DPH6: variants seen among roughly 807,000 people sequenced by gnomAD.
The protein encoded by DPH6 is diphthine--ammonia ligase.
DPH6 carries 33 observed loss-of-function variants against 38.2 expected under a neutral mutation model. That is an observed-to-expected ratio of 0.86 (90% CI 0.65 to 1.15). The LOEUF is 1.15. Among genes scored for constraint, DPH6 ranks in the 50% most tolerant of loss-of-function variants. The pLI is 0.00. For synonymous variants in DPH6, 108 were observed against 103.0 expected (o/e 1.05, Z -0.30); for missense variants, 325 against 320.0 (o/e 1.02, Z -0.12).
intron 3 of DPH6, among the ~76,000 whole-genome samples, chr15:35,479,369 TG>T (rs1284457460): frequency 6.6e-6 from 1 of 152,100 alleles, no homozygotes; most frequent in Non-Finnish European, 1.5e-5. Flanking sequence ...AAAAGTGTAT[TG>T]TAGACCCTCT....
downstream of DPH6, among the ~76,000 whole-genome samples, chr15:35,214,288 G>A (rs562449004): frequency 6.6e-6 from 1 of 152,286 alleles, no homozygotes; most frequent in Non-Finnish European, 1.5e-5. Flanking sequence ...TTTACTAAGA[G>A]CATTCACAAT....
At chr15:35,482,232 T>C (rs2054335864) in intron 3 of DPH6, among the ~76,000 whole-genome samples, 1 of 152,176 alleles carries the variant, frequency 6.6e-6, no homozygotes, top group Admixed American at 6.5e-5. Flanking sequence ...GCTGCAGTAC[T>C]AGCTGGGTGA....
At chr15:35,454,929 A>G in intron 3 of DPH6, 109 bp from the exon 4 acceptor site, 1 of 710,830 alleles carries the variant, frequency 1.4e-6, no homozygotes, top group South Asian at 2.3e-5. Context: ...AACTACCTCA[A>G]ACCAGAGTAA....
intron 1 of DPH6, among the ~76,000 whole-genome samples, chr15:35,543,770 C>T (rs543851830): frequency 3.9e-5 from 6 of 152,162 alleles, no homozygotes; most frequent in Non-Finnish European, 7.4e-5. Flanking sequence ...TCCATTCTTC[C>T]TCTCTTCAGG....
At chr15:35,457,367 A>T (rs1452205540) in intron 3 of DPH6, among the ~76,000 whole-genome samples, 1 of 151,288 alleles carries the variant, frequency 6.6e-6, no homozygotes, top group Non-Finnish European at 1.5e-5. Context: ...TTGTTCAATA[A>T]TTTTTTTTTG....
At chr15:35,424,869 T>C (rs1240643922) in intron 5 of DPH6, among the ~76,000 whole-genome samples, 2 of 151,614 alleles carry the variant, frequency 1.3e-5, no homozygotes. Flanking sequence ...ATCAAATTAA[T>C]AGAAAAAGCT....
the DPH6 span, among the ~76,000 whole-genome samples, chr15:35,158,716 C>G: frequency 6.6e-6 from 1 of 152,002 alleles, no homozygotes; most frequent in Non-Finnish European, 1.5e-5. Flanking sequence ...AATTGAACGC[C>G]TACATACCAG....
intron 3 of DPH6, among the ~76,000 whole-genome samples, chr15:35,512,123 A>C (rs1030337330): frequency 2.0e-5 from 3 of 152,196 alleles, no homozygotes; most frequent in Non-Finnish European, 4.4e-5. Context: ...AACCTGCAGT[A>C]ATAATTTTCA....
chr15:35,450,444 C>A (rs1303614616), intron 5 of DPH6, among the ~76,000 whole-genome samples: 12 of 147,562 alleles, frequency 8.1e-5, no homozygotes, highest in African/African-American at 3.0e-4. Context: ...AGTTTTAGAA[C>A]CTGTTATATG....
At chr15:35,515,396 C>T (rs1041073954) in intron 3 of DPH6, among the ~76,000 whole-genome samples, 1 of 151,890 alleles carries the variant, frequency 6.6e-6, no homozygotes, top group Non-Finnish European at 1.5e-5. Context: ...GGTTCGTGAC[C>T]AGCCTGGGTA....
chr15:35,162,193 C>T, the DPH6 span, among the ~76,000 whole-genome samples: 1 of 151,932 alleles, frequency 6.6e-6, no homozygotes, highest in African/African-American at 2.4e-5. Flanking sequence ...CAGTCTTTCA[C>T]ATGCCCAAGC....
In DPH6 at chr15:35,371,110, C is replaced by T. The variant is rs1221757216; in HGVS notation, c.*1040G>A. The T allele has an allele frequency of 6.6e-6, 1 of 151,544 alleles. No homozygotes were observed. The highest frequency in any genetic ancestry group is 2.4e-5 in the African/African-American group (1 of 41,338). The allele number at this position is 151,544 out of a possible 1,614,324, so 9.4% of individuals were successfully genotyped here. A position where few individuals can be genotyped will look rare whatever the true frequency, so the allele number is the denominator to read the frequency against. On this transcript the variant is annotated 3_prime_UTR_variant, in exon 9 of 9. Coordinates refer to ENST00000256538, the MANE Select transcript of DPH6 (RefSeq NM_080650.4). ...GAAAAGCTATATACTGCATGAAAAG[C>T]TATATACTGTATGATTTCAACTACA... is the stretch of plus-strand genomic sequence containing the variant.
At chr15:35,222,013 A>G (rs1448197027) in intron 3 of DPH6, among the ~76,000 whole-genome samples, 1 of 152,224 alleles carries the variant, frequency 6.6e-6, no homozygotes, top group Admixed American at 6.5e-5. Context: ...TTTGCCACTT[A>G]TAATAAGGAT....
At chr15:35,335,301 A>G (rs1387505940) in intron 3 of DPH6, among the ~76,000 whole-genome samples, 1 of 152,208 alleles carries the variant, frequency 6.6e-6, no homozygotes, top group African/African-American at 2.4e-5. Context: ...GGCCTTTGCC[A>G]GATGAAAAGA....
downstream of DPH6, among the ~76,000 whole-genome samples, chr15:35,366,767 C>T (rs780716251): frequency 8.6e-5 from 13 of 151,902 alleles, no homozygotes; most frequent in Non-Finnish European, 1.6e-4. Flanking sequence ...GCCATAACAT[C>T]AGTTCAGGTT....
At chr15:35,489,746 A>C (rs1236537746) in intron 3 of DPH6, 1 of 981,658 alleles carries the variant, frequency 1.0e-6, no homozygotes, top group African/African-American at 1.7e-5. Flanking sequence ...CAGTATACAG[A>C]AACTATAAAG....
intron 3 of DPH6, among the ~76,000 whole-genome samples, chr15:35,285,116 G>A (rs1051083750): frequency 2.6e-5 from 4 of 151,968 alleles, no homozygotes; most frequent in African/African-American, 9.7e-5. Flanking sequence ...GGCCTAAAAT[G>A]TATATACATT....
intron 3 of DPH6, chr15:35,298,872 A>T (rs746721205): frequency 2.0e-6 from 2 of 987,674 alleles, no homozygotes; most frequent in Non-Finnish European, 3.3e-6. Flanking sequence ...AGTCCTCTTC[A>T]TAAGGAAAAT....
chr15:35,423,486 T>C (rs1358999490), intron 5 of DPH6, among the ~76,000 whole-genome samples: 1 of 151,772 alleles, frequency 6.6e-6, no homozygotes, highest in African/African-American at 2.4e-5. Context: ...TGTTTTTCAC[T>C]CCCCAGGTTG....
Sources: allele counts gnomAD v4.1 joint callset (sites outside exome capture counted in the v4.1 genomes callset), GRCh38; gene constraint gnomAD v4.1.1; transcripts MANE v1.5; gene names NCBI Gene and HGNC (gene_info 2026-07-23, HGNC 2026-07-21).